Variants in OGDHL observed in about 807,000 individuals in gnomAD.
The protein encoded by OGDHL is oxoglutarate dehydrogenase L.
Under a neutral mutation model 109.6 loss-of-function variants are expected in OGDHL, and 79 were observed. That is an observed-to-expected ratio of 0.72 (90% CI 0.60 to 0.87). The LOEUF is 0.87. Ranked by LOEUF, OGDHL falls within the 40% of genes least tolerant of loss-of-function variation. The probability of loss-of-function intolerance (pLI) is 0.00; values close to 1 mark genes in which losing one functional copy is unlikely to be tolerated. For missense variants in OGDHL, 1,275 were observed against 1,362.2 expected (o/e 0.94, Z 1.01); for synonymous variants, 528 against 537.2 (o/e 0.98, Z 0.24).
intron 7 of OGDHL, 150 bp from the exon 8 acceptor site, chr10:49,749,966 C>T (rs1284772312): frequency 1.5e-6 from 1 of 660,046 alleles, no homozygotes; most frequent in African/African-American, 1.8e-5. Context: ...CCATCCTCTC[C>T]TGCTGCTGTA....
chr10:49,746,752 G>C lies in OGDHL; in HGVS notation c.1294C>G (p.Gln432Glu), dbSNP rs773112150. 34 of 1,613,990 alleles carry C rather than the reference G, an allele frequency of 2.1e-5. No homozygotes were observed. The highest frequency in any genetic ancestry group is 2.5e-5 in the Non-Finnish European group (30 of 1,179,984). The part of the protein sequence containing the change: ...NGTVHVVVNN[Q>E]IGFTTDPRMA... ...CAGCGTGGAGCCTACATGCTCACCTGGTTGTTGACGACGACGTGCACGGTA... is the reference window on the plus strand; with the variant it reads ...CAGCGTGGAGCCTACATGCTCACCTCGTTGTTGACGACGACGTGCACGGTA... The change falls in exon 10 of 23, where the codon CAG becomes GAG. Residue 432 changes from glutamine to glutamate, a missense_variant and splice_region_variant. Coordinates refer to ENST00000374103, the MANE Select transcript of OGDHL (RefSeq NM_018245.3).
rs945049394 is a variant in OGDHL, at chr10:49,740,689, T to C, written c.2140+21A>G. On this transcript the variant is annotated intron_variant, in intron 16 of 22. Coordinates refer to ENST00000374103, the MANE Select transcript of OGDHL (RefSeq NM_018245.3). ...CCAGGTGTCTGGGGCCTGCCTGGCC[T>C]GCAGGAGAGCGTGGACCCACCCAGG... is the stretch of plus-strand genomic sequence containing the variant. The C allele has an allele frequency of 3.7e-6, 6 of 1,607,416 alleles. No individual in the cohort carries two copies. In the African/African-American group the frequency reaches 8.0e-5, roughly 21 times the overall value.
intron 2 of OGDHL, 104 bp downstream of exon 2, chr10:49,758,285 G>T: frequency 1.7e-6 from 2 of 1,177,992 alleles, no homozygotes; most frequent in Non-Finnish European, 1.2e-6. Flanking sequence ...ACCTGCCCAG[G>T]ATCACACAGC....
intron 22 of OGDHL, 113 bp downstream of exon 22, chr10:49,735,910 C>T (rs1399597825): frequency 7.5e-6 from 9 of 1,206,580 alleles, no homozygotes; most frequent in Non-Finnish European, 1.0e-5. Flanking sequence ...CATCATTGCT[C>T]ATCACCAGAG....
In OGDHL at chr10:49,756,780, T is replaced by A; in HGVS notation, c.371A>T (p.Tyr124Phe). 1 of 1,612,330 alleles carries A rather than the reference T, an allele frequency of 6.2e-7. No homozygotes were observed. The highest frequency in any genetic ancestry group is 8.5e-7 in the Non-Finnish European group (1 of 1,179,096). Reference sequence around the variant, plus strand: ...TGTGCCTCAGCTGCCCCTCACCTGGTAGGCCCGGATCAGGGACTGCACAGC... The same window carrying A: ...TGTGCCTCAGCTGCCCCTCACCTGGAAGGCCCGGATCAGGGACTGCACAGC... ...HLAVQSLIRA[Y>F]QIRGHHVAQL... Residue 124 changes from tyrosine (Y) to phenylalanine (F), a missense_variant, in exon 3 of 23, where the codon TAC becomes TTC. Transcript: ENST00000374103.
rs1222126893 is a variant in OGDHL at position 49,745,992 on chromosome 10, G to T, written c.1297-15C>A. On this transcript the variant is annotated splice_polypyrimidine_tract_variant and intron_variant, in intron 10 of 22. Coordinates refer to ENST00000374103, the MANE Select transcript of OGDHL (RefSeq NM_018245.3). ...GTGAATCCAATCTGCAGAGGCAGGA[G>T]AAACCTGCTGCGCCTCTCAATTTAC... The T allele has an allele frequency of 1.2e-6, 2 of 1,612,398 alleles. No individual in the cohort carries two copies.
At chr10:49,737,909 C>T in intron 19 of OGDHL, 38 bp downstream of exon 19, 1 of 1,614,064 alleles carries the variant, frequency 6.2e-7, no homozygotes, top group Non-Finnish European at 8.5e-7. Context: ...CTGGCCAGGC[C>T]CCCTGCCTGT....
At chr10:49,747,307 C>T (rs1022350488) in intron 8 of OGDHL, 99 bp from the exon 9 acceptor site, 3 of 1,320,588 alleles carry the variant, frequency 2.3e-6, no homozygotes, top group African/African-American at 2.9e-5. Flanking sequence ...CTGGCACATT[C>T]CCCCGATCCC....
Position 49,756,847 on chromosome 10 carries a change from A to G in OGDHL, c.304T>C (p.Ser102Pro). Residue 102 changes from serine to proline, a missense_variant, in exon 3 of 23, where the codon TCA becomes CCA. Transcript: ENST00000374103. ...AATTTGCTGGTCTTGGTCCGACTTGAGACTGCAGACCTGCTCTCATGGACA... is the reference window on the plus strand; with the variant it reads ...AATTTGCTGGTCTTGGTCCGACTTGGGACTGCAGACCTGCTCTCATGGACA... ...SVVHESRSAV[S>P]SRTKTSKLVE... 3.1e-6 allele frequency: 5 copies of G among 1,614,118 alleles called. No homozygotes were observed. The highest frequency in any genetic ancestry group is 3.4e-6 in the Non-Finnish European group (4 of 1,179,988).
chr10:49,747,903 G>A (rs1842306999), intron 8 of OGDHL, among the ~76,000 whole-genome samples: 1 of 152,162 alleles, frequency 6.6e-6, no homozygotes, highest in South Asian at 2.1e-4. Flanking sequence ...AATATGAATG[G>A]CTCAAAAGCA....
intron 8 of OGDHL, 148 bp downstream of exon 8, chr10:49,749,578 A>G (rs1487220289): frequency 1.0e-5 from 7 of 691,516 alleles, no homozygotes; most frequent in Non-Finnish European, 1.7e-5. Context: ...GTCCTCAGGC[A>G]AACACCCAGC....
chr10:49,750,693 G>T, intron 7 of OGDHL, 146 bp downstream of exon 7: 1 of 1,143,304 alleles, frequency 8.7e-7, no homozygotes, highest in Non-Finnish European at 1.2e-6. Flanking sequence ...GAGCAGGCCA[G>T]GCCCAGGACT....
intron 8 of OGDHL, among the ~76,000 whole-genome samples, chr10:49,747,901 T>A (rs1325089128): frequency 6.6e-6 from 1 of 152,196 alleles, no homozygotes; most frequent in Non-Finnish European, 1.5e-5. Flanking sequence ...AAAATATGAA[T>A]GGCTCAAAAG....
intron 1 of OGDHL, among the ~76,000 whole-genome samples, chr10:49,760,802 C>T (rs2132281664): frequency 6.6e-6 from 1 of 152,344 alleles, no homozygotes; most frequent in East Asian, 1.9e-4. Context: ...CTGATCACTG[C>T]AGTCAATATG....
At chr10:49,742,440 A>AT (rs1330969385) in intron 15 of OGDHL, among the ~76,000 whole-genome samples, 2 of 41,982 alleles carry the variant, frequency 4.8e-5, no homozygotes, top group Non-Finnish European at 1.2e-4. Context: ...CACATACAAC[A>AT]AACACACCAC....
At position 49,738,048 on chromosome 10, in the gene OGDHL, T is replaced by A. The variant is rs772206904; in HGVS notation, c.2416A>T (p.Ser806Cys). Residue 806 changes from serine (S) to cysteine (C), a missense_variant, in exon 19 of 23, where the codon AGC (serine) becomes TGC (cysteine). Physicochemically the swap from Ser to Cys is moderately radical, Grantham distance 112. Coordinates refer to ENST00000374103, the MANE Select transcript of OGDHL (RefSeq NM_018245.3). ...YPAFTKDFEV[S>C]QLYDCNWIVV... ...ATCCAGTTGCAGTCATAGAGCTGGC[T>A]CACCTCGAAGTCCTTGGTGAATGCC... 4 of 1,614,052 alleles carry A rather than the reference T, an allele frequency of 2.5e-6. No individual in the cohort carries two copies. The highest frequency in any genetic ancestry group is 3.4e-6 in the Non-Finnish European group (4 of 1,180,026).
At chr10:49,738,757 A>T (rs1393195431) in intron 17 of OGDHL, 1 of 178,120 alleles carries the variant, frequency 5.6e-6, no homozygotes, top group Non-Finnish European at 1.2e-5. Context: ...GCCCACCCTC[A>T]CCCACACGGA....
chr10:49,740,865 C>A (rs374344259), intron 15 of OGDHL, 28 bp from the exon 16 acceptor site: 43 of 1,612,852 alleles, frequency 2.7e-5, no homozygotes, highest in Middle Eastern at 1.7e-4. Flanking sequence ...GGGGCAGGGA[C>A]AGAGGGCAGG....
At chr10:49,749,677 C>T in intron 8 of OGDHL, 49 bp downstream of exon 8, 1 of 1,504,842 alleles carries the variant, frequency 6.6e-7, no homozygotes, top group South Asian at 1.2e-5. Context: ...AGTCCACCTC[C>T]CAAACACCCA....
Sources: gnomAD v4.1 joint callset for allele counts (sites outside exome capture counted in the v4.1 genomes callset) on GRCh38, gnomAD v4.1.1 for gene constraint, MANE v1.5 for transcripts, NCBI Gene and HGNC (gene_info 2026-07-23, HGNC 2026-07-21) for gene names.